The following EYS variants were observed in gnomAD, a reference collection of about 807,000 sequenced individuals.
The protein encoded by EYS is EGF-like photoreceptor maintenance factor.
EYS carries 250 observed loss-of-function variants against 282.1 expected under a neutral mutation model. That is an observed-to-expected ratio of 0.89 (90% CI 0.80 to 0.98). The LOEUF is 0.98. Ranked by LOEUF, EYS falls within the 50% of genes least tolerant of loss-of-function variation. The probability of loss-of-function intolerance (pLI) is 0.00; values close to 1 mark genes in which losing one functional copy is unlikely to be tolerated. For missense variants in EYS, 4,016 were observed against 3,709.0 expected (o/e 1.08, Z -2.15); for synonymous variants, 1,355 against 1,282.9 (o/e 1.06, Z -1.20).
intron 1 of EYS, among the ~76,000 whole-genome samples, chr6:65,689,130 T>C (rs1265778995): frequency 6.7e-6 from 1 of 149,814 alleles, no homozygotes; most frequent in East Asian, 2.3e-4. Context: ...AACCCAAACG[T>C]CCAACAATGA....
intron 26 of EYS, among the ~76,000 whole-genome samples, chr6:64,503,960 G>GT (rs1777131867): frequency 1.3e-5 from 2 of 152,196 alleles, no homozygotes; most frequent in Admixed American, 1.3e-4. Flanking sequence ...CTCCACCACG[G>GT]TAAGATGTGA....
At chr6:64,775,119 A>G (rs1773639439) in intron 22 of EYS, among the ~76,000 whole-genome samples, 1 of 151,884 alleles carries the variant, frequency 6.6e-6, no homozygotes, top group Non-Finnish European at 1.5e-5. Context: ...ACTGCTGAAA[A>G]CCTTACGACT....
intron 31 of EYS, among the ~76,000 whole-genome samples, chr6:64,101,497 T>C (rs773268902): frequency 4.6e-5 from 7 of 152,150 alleles, no homozygotes; most frequent in Middle Eastern, 6.8e-3. Context: ...TGAGATAAAA[T>C]GTTTTGAGAA....
chr6:64,145,986 T>C (rs928748384), intron 31 of EYS, among the ~76,000 whole-genome samples: 1 of 152,172 alleles, frequency 6.6e-6, no homozygotes, highest in Non-Finnish European at 1.5e-5. Flanking sequence ...TCAAGTCTTC[T>C]AAAGTAAGAT....
chr6:64,221,204 T>A (rs1436616155), intron 31 of EYS, among the ~76,000 whole-genome samples: 1 of 152,188 alleles, frequency 6.6e-6, no homozygotes, highest in Non-Finnish European at 1.5e-5. Flanking sequence ...ATTTGTACTA[T>A]GGTTTGAATG....
chr6:64,094,036 T>C (rs1190303198), intron 31 of EYS, among the ~76,000 whole-genome samples: 1 of 152,222 alleles, frequency 6.6e-6, no homozygotes, highest in Non-Finnish European at 1.5e-5. Flanking sequence ...TCTTTGGTTC[T>C]GTTTATATGC....
intron 21 of EYS, among the ~76,000 whole-genome samples, chr6:64,814,487 T>G (rs1483779490): frequency 2.0e-5 from 3 of 152,046 alleles, no homozygotes; most frequent in Non-Finnish European, 4.4e-5. Flanking sequence ...TCTATTTCAA[T>G]CTTTTGGCAC....
In EYS at chr6:65,331,310, A is replaced by G. The variant is rs973817536; in HGVS notation, c.1766+3670T>C. Reference sequence around the variant, plus strand: ...TTTCCATTTATTCAGTGTATATATAATTTTCTCTTTTTCATTGAGCTTAGT... The same window carrying G: ...TTTCCATTTATTCAGTGTATATATAGTTTTCTCTTTTTCATTGAGCTTAGT... On this transcript the variant is annotated intron_variant, in intron 11 of 42. Coordinates refer to ENST00000503581, the MANE Select transcript of EYS (RefSeq NM_001142800.2). 11 of 672,968 alleles carry G rather than the reference A, an allele frequency of 1.6e-5. No individual in the cohort carries two copies. In the African/African-American group the frequency reaches 1.9e-4, roughly 12 times the overall value. 41.7% of individuals were successfully genotyped at this position (672,968 alleles called of 1,614,324 possible).
chr6:64,511,888 A>C (rs1777417769), intron 26 of EYS, among the ~76,000 whole-genome samples: 1 of 152,136 alleles, frequency 6.6e-6, no homozygotes, highest in African/African-American at 2.4e-5. Flanking sequence ...GCTTCCTAAA[A>C]TGTGCATCTT....
At chr6:65,705,906 A>T (rs557159840) in intron 1 of EYS, among the ~76,000 whole-genome samples, 1 of 152,214 alleles carries the variant, frequency 6.6e-6, no homozygotes, top group East Asian at 1.9e-4. Flanking sequence ...AACACACTTT[A>T]TCCACTAGTA....
chr6:64,972,317 G>A (rs754513428), intron 14 of EYS, among the ~76,000 whole-genome samples: 11 of 152,120 alleles, frequency 7.2e-5, no homozygotes, highest in Admixed American at 3.9e-4. Context: ...AATGGCAGGA[G>A]AAGGATTGGT....
intron 19 of EYS, among the ~76,000 whole-genome samples, chr6:64,854,672 A>G (rs1420223703): frequency 6.6e-6 from 1 of 151,972 alleles, no homozygotes; most frequent in East Asian, 1.9e-4. Context: ...CAGCACACCA[A>G]CATGGCACAT....
chr6:65,627,636 A>G (rs913084017), intron 2 of EYS, among the ~76,000 whole-genome samples: 2 of 152,104 alleles, frequency 1.3e-5, no homozygotes, highest in African/African-American at 4.8e-5. Context: ...CCACACTCGG[A>G]ACAGCTGGCC....
intron 15 of EYS, among the ~76,000 whole-genome samples, chr6:64,945,014 T>C (rs373990371): frequency 2.6e-5 from 4 of 151,742 alleles, no homozygotes; most frequent in Non-Finnish European, 4.4e-5. Flanking sequence ...CATTCCTTTT[T>C]GCTGAAATAA....
At chr6:64,966,051 G>A (rs2150108615) in intron 14 of EYS, among the ~76,000 whole-genome samples, 1 of 151,916 alleles carries the variant, frequency 6.6e-6, no homozygotes, top group Non-Finnish European at 1.5e-5. Context: ...GGGTATAAAG[G>A]GTACAGGGAA....
chr6:65,114,552 T>C (rs1775312530), intron 12 of EYS, among the ~76,000 whole-genome samples: 1 of 151,850 alleles, frequency 6.6e-6, no homozygotes, highest in African/African-American at 2.4e-5. Context: ...CTGTCTGGGA[T>C]TTAGTAAGTA....
At chr6:65,222,434 C>G (rs1766492467) in intron 12 of EYS, among the ~76,000 whole-genome samples, 1 of 152,152 alleles carries the variant, frequency 6.6e-6, no homozygotes, top group Admixed American at 6.5e-5. Context: ...TGCCTGCCAT[C>G]ATGTAAGACA....
intron 33 of EYS, among the ~76,000 whole-genome samples, chr6:64,033,402 T>C (rs939807063): frequency 3.9e-5 from 6 of 152,182 alleles, no homozygotes; most frequent in Non-Finnish European, 8.8e-5. Context: ...AAGTGAAACA[T>C]ATCAAAGTTT....
chr6:63,806,467 C>A, intron 36 of EYS, 95 bp from the exon 37 acceptor site: 1 of 1,048,422 alleles, frequency 9.5e-7, no homozygotes, highest in South Asian at 1.8e-5. Flanking sequence ...GCCAGATAGT[C>A]TGTTTACTAT....
Sources: allele counts gnomAD v4.1 joint callset (sites outside exome capture counted in the v4.1 genomes callset), GRCh38; gene constraint gnomAD v4.1.1; transcripts MANE v1.5; gene names NCBI Gene and HGNC (gene_info 2026-07-23, HGNC 2026-07-21).